Variants in LRRC8C observed in about 807,000 individuals in gnomAD.
LRRC8C encodes leucine rich repeat containing 8 VRAC subunit C.
Under a neutral mutation model 55.3 loss-of-function variants are expected in LRRC8C, and 20 were observed. The observed-to-expected ratio is 0.36, with a 90% CI of 0.25 to 0.53. The LOEUF is 0.53. Among genes scored for constraint, LRRC8C ranks in the 20% least tolerant of loss-of-function variants. The probability of loss-of-function intolerance (pLI) is 0.92; values close to 1 mark genes in which losing one functional copy is unlikely to be tolerated. For missense variants in LRRC8C, 659 were observed against 951.4 expected, an observed-to-expected ratio of 0.69 and a Z score of 4.04; for synonymous variants, 376 against 360.7, an observed-to-expected ratio of 1.04 and a Z score of -0.48.
At chr1:89,700,330 G>T (rs1658285358) in intron 2 of LRRC8C, among the ~76,000 whole-genome samples, 1 of 152,134 alleles carries the variant, frequency 6.6e-6, no homozygotes, top group African/African-American at 2.4e-5. Flanking sequence ...TGCCATATTT[G>T]TGCTCTCGTT....
At position 89,715,850 on chromosome 1, in the gene LRRC8C, G is replaced by C. The variant is rs1020474706; in HGVS notation, c.*868G>C. The C allele has an allele frequency of 7.9e-5, 12 of 152,120 alleles. No individual in the cohort carries two copies. The highest frequency in any genetic ancestry group is 1.5e-4 in the Non-Finnish European group (10 of 68,010). The allele number at this position is 152,120 out of a possible 1,614,324, so 9.4% of individuals were successfully genotyped here. On this transcript the variant is annotated 3_prime_UTR_variant, in exon 3 of 3. Transcript: ENST00000370454. Reference sequence around the variant, plus strand: ...ATCTTTCATATCTTGATATGCAGCTGCATCAGATGGAAAAAAATTTACTAA... The same window carrying C: ...ATCTTTCATATCTTGATATGCAGCTCCATCAGATGGAAAAAAATTTACTAA...
intron 1 of LRRC8C, among the ~76,000 whole-genome samples, chr1:89,679,983 A>T (rs1241034841): frequency 1.3e-5 from 2 of 152,236 alleles, no homozygotes; most frequent in African/African-American, 2.4e-5. Context: ...GAAACACAAA[A>T]ATTATCCTGG....
At chr1:89,712,529 A>G (rs1057420452) in intron 2 of LRRC8C, among the ~76,000 whole-genome samples, 180 bp from the exon 3 acceptor site, 1 of 152,228 alleles carries the variant, frequency 6.6e-6, no homozygotes, top group African/African-American at 2.4e-5. Flanking sequence ...ACAAAGTCAG[A>G]TATTTCATTT....
chr1:89,646,277 A>G (rs1557647445), intron 1 of LRRC8C, among the ~76,000 whole-genome samples: 2 of 152,134 alleles, frequency 1.3e-5, no homozygotes, highest in Non-Finnish European at 2.9e-5. Flanking sequence ...GGGTATCACT[A>G]CAGACCCTAC....
At chr1:89,673,214 T>A (rs763154745) in intron 1 of LRRC8C, among the ~76,000 whole-genome samples, 12 of 152,200 alleles carry the variant, frequency 7.9e-5, no homozygotes, top group Non-Finnish European at 1.6e-4. Context: ...AACCTCCCAA[T>A]TTAACAACTT....
chr1:89,634,168 C>T (rs993025423), intron 1 of LRRC8C, among the ~76,000 whole-genome samples: 4 of 152,210 alleles, frequency 2.6e-5, no homozygotes, highest in Admixed American at 6.5e-5. Flanking sequence ...CAGCCGGACA[C>T]CTAGCCCGCA....
At chr1:89,615,993 A>G in the LRRC8C span, among the ~76,000 whole-genome samples, 1 of 152,056 alleles carries the variant, frequency 6.6e-6, no homozygotes, top group Non-Finnish European at 1.5e-5. Flanking sequence ...TCTGCTTGCA[A>G]CCCAGGTACC....
intron 2 of LRRC8C, among the ~76,000 whole-genome samples, chr1:89,697,310 A>G (rs1658200367): frequency 6.6e-6 from 1 of 152,206 alleles, no homozygotes; most frequent in Non-Finnish European, 1.5e-5. Flanking sequence ...CATGCTTCCC[A>G]TATTTAGAAT....
intron 1 of LRRC8C, among the ~76,000 whole-genome samples, chr1:89,654,240 A>C (rs1557650097): frequency 6.6e-6 from 1 of 152,202 alleles, no homozygotes; most frequent in African/African-American, 2.4e-5. Flanking sequence ...ATAGAGTGGA[A>C]TAATAGACAT....
In LRRC8C at chr1:89,717,779, T is replaced by G. The variant is rs982455713; in HGVS notation, c.*2797T>G. ...TGATCAATTCTGTATAGAGGGATATTTATCTAACCACTTTCCGTATTTTAC... is the reference window on the plus strand; with the variant it reads ...TGATCAATTCTGTATAGAGGGATATGTATCTAACCACTTTCCGTATTTTAC... On this transcript the variant is annotated 3_prime_UTR_variant, in exon 3 of 3. Transcript: ENST00000370454. The G allele has an allele frequency of 2.6e-5, 4 of 152,198 alleles. No individual in the cohort carries two copies. The highest frequency in any genetic ancestry group is 5.9e-5 in the Non-Finnish European group (4 of 68,026). 9.4% of individuals were successfully genotyped at this position (152,198 alleles called of 1,614,324 possible).
At position 89,717,157 on chromosome 1, in the gene LRRC8C, C is replaced by A. The variant is rs1658850457; in HGVS notation, c.*2175C>A. 1 of 152,094 alleles carries A rather than the reference C, an allele frequency of 6.6e-6. No individual in the cohort carries two copies. Among genetic ancestry groups the A allele is most frequent in the African/African-American group, 2.4e-5 (1 of 41,444 alleles). 9.4% of individuals were successfully genotyped at this position (152,094 alleles called of 1,614,324 possible). ...GAAACATAGCCCTATCTGTTTTAAA[C>A]AAATAATTTGTTGGCCGATTGTCCA... On this transcript the variant is annotated 3_prime_UTR_variant, in exon 3 of 3. Transcript: ENST00000370454.
upstream of LRRC8C, among the ~76,000 whole-genome samples, chr1:89,632,396 T>A (rs1206136840): frequency 6.6e-6 from 1 of 152,206 alleles, no homozygotes; most frequent in Non-Finnish European, 1.5e-5. Flanking sequence ...TAGCCCGTAT[T>A]GCAGGGGCGG....
intron 2 of LRRC8C, among the ~76,000 whole-genome samples, chr1:89,707,409 A>C (rs1658514240): frequency 6.7e-6 from 1 of 150,284 alleles, no homozygotes; most frequent in African/African-American, 2.5e-5. Context: ...TCCATCTAAA[A>C]AAAACAAAAA....
At chr1:89,631,419 C>A (rs1656105753), upstream of LRRC8C, among the ~76,000 whole-genome samples, 1 of 152,062 alleles carries the variant, frequency 6.6e-6, no homozygotes, top group Non-Finnish European at 1.5e-5. Flanking sequence ...CAGGTGCCAA[C>A]GGTACAAAGA....
chr1:89,662,306 G>A (rs1347329710), intron 1 of LRRC8C, among the ~76,000 whole-genome samples: 1 of 152,214 alleles, frequency 6.6e-6, no homozygotes, highest in East Asian at 1.9e-4. Flanking sequence ...CTGGAGCAAA[G>A]CGAGTGTGCA....
chr1:89,660,498 G>A (rs1373419311), intron 1 of LRRC8C, among the ~76,000 whole-genome samples: 1 of 152,172 alleles, frequency 6.6e-6, no homozygotes, highest in Non-Finnish European at 1.5e-5. Flanking sequence ...CCAAGGTTGA[G>A]AGCCACTCTT....
At chr1:89,700,132 A>G (rs1157787942) in intron 2 of LRRC8C, among the ~76,000 whole-genome samples, 1 of 152,104 alleles carries the variant, frequency 6.6e-6, no homozygotes, top group African/African-American at 2.4e-5. Context: ...AAATGGGTCT[A>G]CCTCAGAAAA....
At chr1:89,701,255 T>A (rs568564714) in intron 2 of LRRC8C, among the ~76,000 whole-genome samples, 2 of 152,250 alleles carry the variant, frequency 1.3e-5, no homozygotes, top group Admixed American at 6.5e-5. Flanking sequence ...GGCAGGCGGA[T>A]CACGAGGTCA....
intron 2 of LRRC8C, among the ~76,000 whole-genome samples, chr1:89,698,208 G>A (rs930230168): frequency 5.3e-5 from 8 of 152,264 alleles, no homozygotes; most frequent in East Asian, 1.9e-4. Context: ...TGTGCAAAAC[G>A]AATTGTTTCA....
Sources: allele counts gnomAD v4.1 joint callset (sites outside exome capture counted in the v4.1 genomes callset), GRCh38; gene constraint gnomAD v4.1.1; transcripts MANE v1.5; gene names NCBI Gene and HGNC (gene_info 2026-07-23, HGNC 2026-07-21).